Variants in RPAP3 observed in about 807,000 individuals in gnomAD.
RPAP3 encodes the protein RNA polymerase II-associated protein 3.
Under a neutral mutation model 88.8 loss-of-function variants are expected in RPAP3, and 58 were observed. That is an observed-to-expected ratio of 0.65 (90% CI 0.53 to 0.81). The LOEUF (loss-of-function observed/expected upper bound fraction) is 0.81, where lower values mean the gene tolerates loss of function less well. Among genes scored for constraint, RPAP3 ranks in the 40% least tolerant of loss-of-function variants. The pLI is 0.00. For missense variants in RPAP3, 751 were observed against 764.3 expected (o/e 0.98, Z 0.20); for synonymous variants, 255 against 259.9 (o/e 0.98, Z 0.18).
chr12:47,675,377 G>A (rs570473725), intron 12 of RPAP3, among the ~76,000 whole-genome samples: 1 of 152,262 alleles, frequency 6.6e-6, no homozygotes, highest in South Asian at 2.1e-4. Flanking sequence ...ATAATGACAG[G>A]ATCAAATTCA....
intron 12 of RPAP3, among the ~76,000 whole-genome samples, chr12:47,674,253 T>C (rs1939063146): frequency 6.6e-6 from 1 of 151,772 alleles, no homozygotes; most frequent in South Asian, 2.1e-4. Flanking sequence ...GTCACCAACA[T>C]CAAAGACCAA....
At chr12:47,686,756 C>G (rs1332363710) in intron 9 of RPAP3, 24 bp downstream of exon 9, 5 of 1,483,446 alleles carry the variant, frequency 3.4e-6, no homozygotes, top group Admixed American at 4.8e-5. Context: ...TCCTGAACAG[C>G]ACTAAAATGT....
chr12:47,702,623 A>T, intron 2 of RPAP3, 65 bp downstream of exon 2: 2 of 1,296,130 alleles, frequency 1.5e-6, no homozygotes, highest in Non-Finnish European at 2.1e-6. Context: ...AAACATTTTT[A>T]AAAGTTATGC....
At chr12:47,677,902 A>T (rs1278430383) in intron 12 of RPAP3, among the ~76,000 whole-genome samples, 1 of 152,338 alleles carries the variant, frequency 6.6e-6, no homozygotes, top group East Asian at 1.9e-4. Context: ...AAACTACTTT[A>T]AAGTTCATAT....
At chr12:47,704,155 G>A (rs1366942941) in intron 1 of RPAP3, among the ~76,000 whole-genome samples, 2 of 152,166 alleles carry the variant, frequency 1.3e-5, no homozygotes, top group Non-Finnish European at 2.9e-5. Context: ...TGTGACAACT[G>A]GGGAATGGGG....
chr12:47,697,763 AG>A, intron 3 of RPAP3, 44 bp from the exon 4 acceptor site: 1 of 1,528,892 alleles, frequency 6.5e-7, no homozygotes, highest in African/African-American at 1.4e-5. Flanking sequence ...TTATATGATT[AG>A]GAAAAAAAAG....
Position 47,684,815 on chromosome 12 carries a change from A to G in RPAP3, c.992+1965T>C, listed in dbSNP as rs923675280. On this transcript the variant is annotated intron_variant, in intron 9 of 16. Coordinates refer to ENST00000005386, the MANE Select transcript of RPAP3 (RefSeq NM_024604.3). ...TTCGATAGCAAAAATCAAAATTTTC[A>G]TAAGTGAGCAAGAGATGCAATGATC... Among the ~76,000 whole-genome samples the G allele has an allele frequency of 2.6e-5, 4 of 152,350 alleles. No homozygotes were observed. The South Asian group carries it at 6.2e-4, about 24-fold the overall frequency.
chr12:47,676,268 C>CA (rs1233961115), intron 12 of RPAP3, among the ~76,000 whole-genome samples: 1 of 152,150 alleles, frequency 6.6e-6, no homozygotes, highest in Non-Finnish European at 1.5e-5. Context: ...AAATTTATAA[C>CA]ACTAAATGCC....
intron 13 of RPAP3, among the ~76,000 whole-genome samples, chr12:47,669,498 T>A (rs1592468257): frequency 6.6e-6 from 1 of 152,250 alleles, no homozygotes; most frequent in African/African-American, 2.4e-5. Flanking sequence ...TATATAGTAT[T>A]GTCCCATGAT....
intron 12 of RPAP3, among the ~76,000 whole-genome samples, chr12:47,677,210 A>G (rs932554594): frequency 1.3e-5 from 2 of 152,248 alleles, no homozygotes; most frequent in South Asian, 4.1e-4. Context: ...TGCTAAAAAC[A>G]CTCAATAAAC....
chr12:47,686,539 T>TACACACAC (rs776844694), intron 9 of RPAP3, among the ~76,000 whole-genome samples: 1 of 73,410 alleles, frequency 1.4e-5, no homozygotes, highest in Non-Finnish European at 2.9e-5. Flanking sequence ...AACACACACA[T>TACACACAC]ACACATACAC....
intron 3 of RPAP3, chr12:47,699,793 A>G (rs1318266222): frequency 6.6e-6 from 1 of 152,202 alleles, no homozygotes; most frequent in Non-Finnish European, 1.5e-5. Context: ...AATTCTGGTC[A>G]GCAATGAAAA....
chr12:47,690,706 A>T (rs1212811955), intron 5 of RPAP3, 67 bp from the exon 6 acceptor site: 16 of 1,169,634 alleles, frequency 1.4e-5, no homozygotes, highest in Non-Finnish European at 3.5e-6. Context: ...AAACTTCAAA[A>T]TTTGTTTCTG....
chr12:47,693,042 G>A (rs1333825001), intron 5 of RPAP3, among the ~76,000 whole-genome samples: 1 of 152,070 alleles, frequency 6.6e-6, no homozygotes, highest in Non-Finnish European at 1.5e-5. Flanking sequence ...ACCACACCTG[G>A]CTAATTGTTT....
intron 9 of RPAP3, among the ~76,000 whole-genome samples, chr12:47,684,362 A>C (rs1939282552): frequency 6.6e-6 from 1 of 152,186 alleles, no homozygotes; most frequent in African/African-American, 2.4e-5. Flanking sequence ...AAGACTGACT[A>C]TACTGCTGGT....
intron 9 of RPAP3, among the ~76,000 whole-genome samples, chr12:47,683,241 ATAG>A (rs1939259764): frequency 6.6e-6 from 1 of 152,186 alleles, no homozygotes; most frequent in Non-Finnish European, 1.5e-5. Flanking sequence ...CGTGTCCTTC[ATAG>A]CGCTATCTTA....
At chr12:47,681,094 T>C (rs1178386813) in intron 10 of RPAP3, among the ~76,000 whole-genome samples, 1 of 132,956 alleles carries the variant, frequency 7.5e-6, no homozygotes, top group Non-Finnish European at 1.7e-5. Flanking sequence ...CTACCCCAAA[T>C]TTGCACCTGC....
intron 3 of RPAP3, among the ~76,000 whole-genome samples, chr12:47,698,239 T>C (rs1218857216): frequency 6.6e-6 from 1 of 152,116 alleles, no homozygotes; most frequent in African/African-American, 2.4e-5. Flanking sequence ...GGAACTGAAA[T>C]GCAGAAGTTA....
At chr12:47,667,630 A>G in intron 15 of RPAP3, 124 bp downstream of exon 15, 1 of 565,884 alleles carries the variant, frequency 1.8e-6, no homozygotes, top group East Asian at 3.0e-5. Flanking sequence ...ACCATAGGCC[A>G]ATTGACATAA....
Sources: gnomAD v4.1 joint callset for allele counts (sites outside exome capture counted in the v4.1 genomes callset) on GRCh38, gnomAD v4.1.1 for gene constraint, MANE v1.5 for transcripts, NCBI Gene and HGNC (gene_info 2026-07-23, HGNC 2026-07-21) for gene names.